Variants in ZMYND8 observed in about 807,000 individuals in gnomAD.
ZMYND8 encodes the protein zinc finger MYND-type containing 8, also known as MYND-type zinc finger-containing chromatin reader ZMYND8.
A neutral mutation model predicts 140.8 loss-of-function variants in ZMYND8; 37 were observed. That is an observed-to-expected ratio of 0.26 (90% CI 0.20 to 0.35). The LOEUF (loss-of-function observed/expected upper bound fraction) is 0.35, where lower values mean the gene tolerates loss of function less well. ZMYND8 is among the 10% of genes least tolerant of loss of function. The pLI is 1.00. For missense variants in ZMYND8, 1,068 were observed against 1,570.0 expected, an observed-to-expected ratio of 0.68 and a Z score of 5.40; for synonymous variants, 592 against 597.1, an observed-to-expected ratio of 0.99 and a Z score of 0.12.
intron 11 of ZMYND8, among the ~76,000 whole-genome samples, chr20:47,275,884 C>T (rs558576611): frequency 4.7e-4 from 71 of 152,296 alleles, no homozygotes; most frequent in African/African-American, 1.5e-3. Flanking sequence ...GCTGGGACTA[C>T]AGGCATGAGC....
chr20:47,255,450 T>C (rs1409338089), intron 12 of ZMYND8, among the ~76,000 whole-genome samples: 2 of 151,416 alleles, frequency 1.3e-5, no homozygotes, highest in African/African-American at 4.9e-5. Context: ...AGCTCACACC[T>C]GTAATCCCAC....
Position 47,329,834 on chromosome 20 carries a change from C to T in ZMYND8, c.85+18022G>A, listed in dbSNP as rs149856834. 9.5e-3 allele frequency among the ~76,000 whole-genome samples: 1,453 copies of T among 152,268 alleles called. 15 individuals carry two copies. The highest frequency in any genetic ancestry group is 0.017 in the Non-Finnish European group (1,151 of 68,022). On this transcript the variant is annotated intron_variant, in intron 2 of 22. Transcript: ENST00000471951. ...GCAGGACACTGCACAATCATCCACCCATCCCAATTTGCCTCTAGGGACTGA... is the reference window on the plus strand; with the variant it reads ...GCAGGACACTGCACAATCATCCACCTATCCCAATTTGCCTCTAGGGACTGA...
chr20:47,356,346 A>AAG, intron 1 of ZMYND8: 1 of 1,447,524 alleles, frequency 6.9e-7, no homozygotes, highest in Non-Finnish European at 9.1e-7. Context: ...AAAAAAAAAA[A>AAG]GAAGGAAAAA....
chr20:47,243,156 T>C (rs915971849), intron 14 of ZMYND8, among the ~76,000 whole-genome samples: 15 of 152,254 alleles, frequency 9.9e-5, no homozygotes, highest in African/African-American at 3.6e-4. Flanking sequence ...AAGATTCATA[T>C]TCTACCCATA....
chr20:47,224,706 G>T, intron 18 of ZMYND8, 150 bp from the exon 19 acceptor site: 1 of 1,369,494 alleles, frequency 7.3e-7, no homozygotes, highest in Non-Finnish European at 9.8e-7. Context: ...CCTAGCCCGA[G>T]TCTTCATCTG....
intron 14 of ZMYND8, 56 bp downstream of exon 14, chr20:47,245,952 A>G: frequency 2.0e-6 from 3 of 1,530,416 alleles, no homozygotes; most frequent in Non-Finnish European, 2.6e-6. Context: ...TAGTAAGTGT[A>G]CGAGGTAGGA....
intron 5 of ZMYND8, among the ~76,000 whole-genome samples, chr20:47,292,429 C>CA (rs1010703538): frequency 6.6e-6 from 1 of 150,906 alleles, no homozygotes; most frequent in Admixed American, 6.6e-5. Flanking sequence ...AAAAAAAAAA[C>CA]AAAAAAATTG....
At chr20:47,326,906 C>T (rs1012392791) in intron 2 of ZMYND8, among the ~76,000 whole-genome samples, 39 of 152,158 alleles carry the variant, frequency 2.6e-4, no homozygotes, top group Admixed American at 6.5e-5. Flanking sequence ...CACAGTCCCT[C>T]GGCTCTTATC....
chr20:47,260,096 T>G (rs1259729178), intron 12 of ZMYND8, among the ~76,000 whole-genome samples: 1 of 152,126 alleles, frequency 6.6e-6, no homozygotes, highest in Non-Finnish European at 1.5e-5. Flanking sequence ...CTAGAAATTC[T>G]CTGTTGGGGG....
intron 17 of ZMYND8, among the ~76,000 whole-genome samples, chr20:47,229,374 A>C (rs1378481993): frequency 6.6e-6 from 1 of 152,152 alleles, no homozygotes; most frequent in Non-Finnish European, 1.5e-5. Context: ...TTATTGAACA[A>C]GAAGAAGCAC....
intron 3 of ZMYND8, among the ~76,000 whole-genome samples, chr20:47,309,392 G>A (rs933608899): frequency 1.3e-5 from 2 of 151,378 alleles, no homozygotes; most frequent in Non-Finnish European, 2.9e-5. Flanking sequence ...TGCAACCTCC[G>A]CCTCCCGGGT....
intron 2 of ZMYND8, among the ~76,000 whole-genome samples, chr20:47,330,617 A>G (rs2080862064): frequency 6.6e-6 from 1 of 152,120 alleles, no homozygotes; most frequent in South Asian, 2.1e-4. Flanking sequence ...CAAAGAAACC[A>G]GGGGGAAAGG....
intron 10 of ZMYND8, among the ~76,000 whole-genome samples, chr20:47,279,759 T>A (rs999233236): frequency 1.3e-5 from 1 of 76,998 alleles, no homozygotes; most frequent in African/African-American, 4.4e-5. Context: ...GGTGTCCGCT[T>A]TTTTTTTTTT....
chr20:47,250,110 A>G (rs546432389), intron 12 of ZMYND8, among the ~76,000 whole-genome samples: 1 of 152,230 alleles, frequency 6.6e-6, no homozygotes, highest in South Asian at 2.1e-4. Flanking sequence ...TCGCTCAAGT[A>G]AGAGTCCAAG....
rs1350700636 is a variant in ZMYND8 at position 47,239,001 on chromosome 20, T to A, written c.2422A>T (p.Thr808Ser). 6.2e-7 allele frequency: 1 copy of A among 1,607,634 alleles called. No individual in the cohort carries two copies. Among genetic ancestry groups the A allele is most frequent in the Non-Finnish European group, 8.5e-7 (1 of 1,175,184 alleles). Reference sequence around the variant, plus strand: ...CCTGTGGCGGCGGGGGCCGGGGCCGTGACGGTGACCGTGGAGGACGTGCTG... The same window carrying A: ...CCTGTGGCGGCGGGGGCCGGGGCCGAGACGGTGACCGTGGAGGACGTGCTG... ...TTSTSSTVTV[T>S]APAPAATGSP... The change falls in exon 15 of 23, where the codon ACG becomes TCG. Residue 808 changes from threonine (T) to serine (S), a missense_variant. Transcript: ENST00000471951.
At chr20:47,221,608 A>G (rs2036962548) in intron 19 of ZMYND8, 134 bp from the exon 20 acceptor site, 1 of 1,132,480 alleles carries the variant, frequency 8.8e-7, no homozygotes, top group Non-Finnish European at 1.2e-6. Flanking sequence ...TGGAGGCTCA[A>G]GGGGGCCAGA....
At chr20:47,290,601 T>C (rs1053155552) in intron 6 of ZMYND8, among the ~76,000 whole-genome samples, 11 of 145,530 alleles carry the variant, frequency 7.6e-5, no homozygotes, top group Non-Finnish European at 1.5e-4. Context: ...TTTTTTTTTT[T>C]TTTTTTGGAG....
rs765368205 is a variant in ZMYND8 at position 47,262,443 on chromosome 20, C to G, written c.1481-15G>C. The G allele has an allele frequency of 6.2e-7, 1 of 1,613,620 alleles. No individual in the cohort carries two copies. ...GGCTGGTGAAGCTGAAAAAGTATGG[C>G]ATTGTTAAAAGACAGGTTTACAAAT... On this transcript the variant is annotated splice_polypyrimidine_tract_variant and intron_variant, in intron 11 of 22. Coordinates refer to ENST00000471951, the MANE Select transcript of ZMYND8 (RefSeq NM_001281775.3).
chr20:47,269,816 C>T (rs757067602), intron 11 of ZMYND8, among the ~76,000 whole-genome samples: 3 of 152,198 alleles, frequency 2.0e-5, no homozygotes, highest in Non-Finnish European at 4.4e-5. Flanking sequence ...TTCAAAGTGC[C>T]GCACCTTGCA....
Sources: allele counts gnomAD v4.1 joint callset (sites outside exome capture counted in the v4.1 genomes callset), GRCh38; gene constraint gnomAD v4.1.1; transcripts MANE v1.5; gene names NCBI Gene and HGNC (gene_info 2026-07-23, HGNC 2026-07-21).